The following ANKRD26 variants were observed in gnomAD, a reference collection of about 807,000 sequenced individuals.
ANKRD26 encodes ankyrin repeat domain 26.
In ANKRD26, 141 loss-of-function variants were observed where a neutral mutation model predicts 208.7. That is an observed-to-expected ratio of 0.68 (90% CI 0.59 to 0.78). ANKRD26 has a LOEUF of 0.78. Among genes scored for constraint, ANKRD26 ranks in the 30% least tolerant of loss-of-function variants. ANKRD26 has a pLI of 0.00. For synonymous variants in ANKRD26, 636 were observed against 660.4 expected, an observed-to-expected ratio of 0.96 and a Z score of 0.57; for missense variants, 1,889 against 1,938.7, an observed-to-expected ratio of 0.97 and a Z score of 0.48.
chr10:27,045,380 C>T (rs369956421), intron 18 of ANKRD26, among the ~76,000 whole-genome samples: 3 of 149,366 alleles, frequency 2.0e-5, no homozygotes, highest in African/African-American at 7.4e-5. Flanking sequence ...GCTGAGATCA[C>T]GTCACTGCAC....
At chr10:27,086,705 A>C (rs1267138884) in intron 4 of ANKRD26, 96 bp from the exon 5 acceptor site, 4 of 1,339,548 alleles carry the variant, frequency 3.0e-6, no homozygotes, top group Non-Finnish European at 4.0e-6. Context: ...CCATTATCAG[A>C]GCTAACAGCA....
At chr10:27,040,628 T>A (rs2054202829) in intron 20 of ANKRD26, among the ~76,000 whole-genome samples, 1 of 152,142 alleles carries the variant, frequency 6.6e-6, no homozygotes. Context: ...GTACTAACTT[T>A]CCTTCTTTCC....
rs1222663834 is a variant in ANKRD26 at position 27,100,302 on chromosome 10, C to G, written c.25G>C (p.Gly9Arg). The change falls in exon 1 of 34, where the codon GGC (glycine) becomes CGC (arginine). Residue 9 changes from glycine (G) to arginine (R), a missense_variant. Physicochemically the swap from Gly to Arg is moderately radical, Grantham distance 125 (BLOSUM62 -2). Transcript: ENST00000376087. MKKIFSKKGESPLGSFARR... is the reference protein window; with the variant it reads MKKIFSKKRESPLGSFARR... ...GCGAAGGAGCCCAAGGGCGACTCGC[C>G]CTTCTTACTAAAAATCTTCTTCATG... 6.2e-7 allele frequency: 1 copy of G among 1,609,388 alleles called. No individual in the cohort carries two copies. The highest frequency in any genetic ancestry group is 8.5e-7 in the Non-Finnish European group (1 of 1,179,768).
At chr10:27,032,345 A>C (rs1195228094) in intron 25 of ANKRD26, among the ~76,000 whole-genome samples, 1 of 152,060 alleles carries the variant, frequency 6.6e-6, no homozygotes, top group African/African-American at 2.4e-5. Flanking sequence ...TTAAAAATAC[A>C]AAAATTAGGC....
chr10:27,059,402 T>C (rs2054965013), intron 15 of ANKRD26, among the ~76,000 whole-genome samples: 1 of 152,198 alleles, frequency 6.6e-6, no homozygotes, highest in Non-Finnish European at 1.5e-5. Flanking sequence ...ACCATTTATA[T>C]AAAATTCTAG....
intron 11 of ANKRD26, among the ~76,000 whole-genome samples, chr10:27,065,312 G>A (rs1026839402): frequency 3.3e-5 from 5 of 152,002 alleles, no homozygotes; most frequent in Admixed American, 6.6e-5. Context: ...TTGTATATGC[G>A]GTGTCTAACA....
At position 27,051,234 on chromosome 10, in the gene ANKRD26, C is replaced by A. The variant is rs750078141; in HGVS notation, c.1635+2086G>T. ...CACATTTTCTAATTCAGGTTCCATG[C>A]TTTTATAGTTATTAGCACTGCAATG... On this transcript the variant is annotated intron_variant, in intron 16 of 33. Transcript: ENST00000376087. 37 of 1,289,766 alleles carry A rather than the reference C, an allele frequency of 2.9e-5. 1 individual carries two copies. The South Asian group carries it at 4.6e-4, about 16-fold the overall frequency. The allele number at this position is 1,289,766 out of a possible 1,614,324, so 79.9% of individuals were successfully genotyped here. A position where few individuals can be genotyped will look rare whatever the true frequency, so the allele number is the denominator to read the frequency against.
chr10:27,033,053 A>G (rs994751034), intron 25 of ANKRD26, among the ~76,000 whole-genome samples, 172 bp downstream of exon 25: 6 of 151,516 alleles, frequency 4.0e-5, no homozygotes, highest in Admixed American at 1.3e-4. Context: ...ACTGCACTCC[A>G]GCCTGGGCAA....
intron 28 of ANKRD26, 59 bp from the exon 29 acceptor site, chr10:27,022,746 A>C: frequency 7.0e-7 from 1 of 1,436,542 alleles, no homozygotes; most frequent in South Asian, 1.2e-5. Flanking sequence ...TTTAATAATT[A>C]TTTAAACAGA....
chr10:27,035,403 G>T lies in ANKRD26; in HGVS notation c.3047C>A (p.Ala1016Asp). ...VESYHSRLAA[A>D]IHDRDQSETS... ...CTCACTTTGATCACGATCATGTATA[G>T]CAGCAGCCAATCTAGAATGGTATGA... Residue 1016 changes from alanine to aspartate, a missense_variant, in exon 24 of 34, where the codon GCT becomes GAT. Coordinates refer to ENST00000376087, the MANE Select transcript of ANKRD26 (RefSeq NM_014915.3). The T allele has an allele frequency of 6.2e-7, 1 of 1,613,846 alleles. No homozygotes were observed. Among genetic ancestry groups the T allele is most frequent in the Non-Finnish European group, 8.5e-7 (1 of 1,179,878 alleles).
intron 20 of ANKRD26, among the ~76,000 whole-genome samples, chr10:27,041,401 A>G (rs1305935261): frequency 6.6e-6 from 1 of 152,212 alleles, no homozygotes. Context: ...CAGCACCAGG[A>G]AGAGTGTTCA....
intron 4 of ANKRD26, among the ~76,000 whole-genome samples, chr10:27,090,498 G>T (rs2135711423): frequency 6.6e-6 from 1 of 152,074 alleles, no homozygotes; most frequent in East Asian, 1.9e-4. Flanking sequence ...TTAGTATCTT[G>T]CCTGTCTGTG....
intron 25 of ANKRD26, among the ~76,000 whole-genome samples, chr10:27,029,809 A>G (rs888142005): frequency 6.6e-6 from 1 of 152,248 alleles, no homozygotes; most frequent in Non-Finnish European, 1.5e-5. Flanking sequence ...AAAAATTAAC[A>G]TGATGACATG....
chr10:27,022,809 T>C, intron 28 of ANKRD26, 122 bp from the exon 29 acceptor site: 1 of 936,780 alleles, frequency 1.1e-6, no homozygotes, highest in Non-Finnish European at 1.6e-6. Context: ...CTCTCGTTTA[T>C]TTCAATCTGA....
intron 9 of ANKRD26, among the ~76,000 whole-genome samples, chr10:27,073,741 G>C (rs773498094): frequency 1.3e-5 from 2 of 152,156 alleles, no homozygotes; most frequent in Non-Finnish European, 2.9e-5. Flanking sequence ...AAACAGAGTA[G>C]GCATCTGAAT....
intron 12 of ANKRD26, 121 bp from the exon 13 acceptor site, chr10:27,061,363 AAATC>A: frequency 1.6e-6 from 1 of 614,948 alleles, no homozygotes; most frequent in Non-Finnish European, 2.8e-6. Flanking sequence ...CAGTTTTTTA[AAATC>A]AATGCAGTGT....
At chr10:26,966,650 C>T in the ANKRD26 span, among the ~76,000 whole-genome samples, 1 of 152,276 alleles carries the variant, frequency 6.6e-6, no homozygotes, top group East Asian at 1.9e-4. Flanking sequence ...AATCATGCCT[C>T]ATGTCTTGGT....
At chr10:27,008,865 A>T (rs1192599242) in intron 32 of ANKRD26, among the ~76,000 whole-genome samples, 1 of 151,978 alleles carries the variant, frequency 6.6e-6, no homozygotes, top group Non-Finnish European at 1.5e-5. Context: ...TTTGAGGTGG[A>T]GTCTCACTCT....
chr10:26,992,319 G>A (rs1409975330), intron 5 of ANKRD26, among the ~76,000 whole-genome samples: 1 of 151,898 alleles, frequency 6.6e-6, no homozygotes, highest in Non-Finnish European at 1.5e-5. Flanking sequence ...ATAAGTCTCT[G>A]GTTTCAGGTT....
Sources: gnomAD v4.1 joint callset for allele counts (sites outside exome capture counted in the v4.1 genomes callset) on GRCh38, gnomAD v4.1.1 for gene constraint, MANE v1.5 for transcripts, NCBI Gene and HGNC (gene_info 2026-07-23, HGNC 2026-07-21) for gene names.